The following NIPBL variants were observed in gnomAD, a reference collection of about 807,000 sequenced individuals.
NIPBL encodes NIPBL cohesin loading factor.
In NIPBL, 19 loss-of-function variants were observed where a neutral mutation model predicts 321.8. The observed-to-expected ratio is 0.06, with a 90% CI of 0.04 to 0.09. The LOEUF (loss-of-function observed/expected upper bound fraction) is 0.09, where lower values mean the gene tolerates loss of function less well. Ranked by LOEUF, NIPBL falls within the 10% of genes least tolerant of loss-of-function variation. The probability of loss-of-function intolerance (pLI) is 1.00; values close to 1 mark genes in which losing one functional copy is unlikely to be tolerated. For missense variants in NIPBL, 2,210 were observed against 3,327.0 expected, an observed-to-expected ratio of 0.66 and a Z score of 8.26; for synonymous variants, 1,106 against 1,114.1, an observed-to-expected ratio of 0.99 and a Z score of 0.14.
rs183134386 is a variant in NIPBL at position 37,016,832 on chromosome 5, A to G, written c.4777-187A>G. On this transcript the variant is annotated intron_variant, in intron 23 of 46. Transcript: ENST00000282516. Reference sequence around the variant, plus strand: ...AGGAAGTTTAATCTGTAATTTTTTTAGTCACATGAAAATGTTCAGATTCCA... The same window carrying G: ...AGGAAGTTTAATCTGTAATTTTTTTGGTCACATGAAAATGTTCAGATTCCA... Among the ~76,000 whole-genome samples, 272 of 152,204 alleles carry G rather than the reference A, an allele frequency of 1.8e-3. 1 individual carries two copies. The highest frequency in any genetic ancestry group is 3.7e-3 in the Admixed American group (56 of 15,290).
intron 21 of NIPBL, among the ~76,000 whole-genome samples, chr5:37,012,685 C>T (rs1485900924): frequency 1.3e-5 from 2 of 152,030 alleles, no homozygotes; most frequent in Admixed American, 1.3e-4. Flanking sequence ...GAGCATGCTG[C>T]CTTCAAGCAT....
intron 1 of NIPBL, among the ~76,000 whole-genome samples, chr5:36,943,283 T>C (rs928600618): frequency 6.6e-6 from 1 of 152,124 alleles, no homozygotes; most frequent in Non-Finnish European, 1.5e-5. Context: ...AATTTGTCAA[T>C]TATAATAACA....
At chr5:36,927,445 C>T (rs1294737756) in intron 1 of NIPBL, among the ~76,000 whole-genome samples, 2 of 152,020 alleles carry the variant, frequency 1.3e-5, no homozygotes, top group African/African-American at 2.4e-5. Flanking sequence ...TCTCTGATTG[C>T]TATGTTTAAC....
chr5:36,984,225 G>T (rs1009165481), intron 9 of NIPBL, among the ~76,000 whole-genome samples: 12 of 151,332 alleles, frequency 7.9e-5, no homozygotes, highest in African/African-American at 2.7e-4. Flanking sequence ...TTTCCTGTTT[G>T]GTATATTGGC....
intron 15 of NIPBL, 32 bp from the exon 16 acceptor site, chr5:37,003,229 C>A: frequency 2.4e-6 from 3 of 1,226,614 alleles, no homozygotes; most frequent in Non-Finnish European, 3.6e-6. Context: ...CTTTTACCAA[C>A]GATTGATAAA....
chr5:37,061,348 A>T (rs923590015), intron 45 of NIPBL, among the ~76,000 whole-genome samples: 2 of 152,086 alleles, frequency 1.3e-5, no homozygotes, highest in African/African-American at 4.8e-5. Context: ...CCCCATGGAT[A>T]CCCAAATCCT....
chr5:36,909,782 AAAAG>A (rs1747908004), intron 1 of NIPBL, among the ~76,000 whole-genome samples: 1 of 152,178 alleles, frequency 6.6e-6, no homozygotes, highest in African/African-American at 2.4e-5. Context: ...TTAAAGGAAA[AAAAG>A]AACAGTATGG....
chr5:36,988,713 G>T (rs946225963), intron 10 of NIPBL, among the ~76,000 whole-genome samples: 4 of 152,036 alleles, frequency 2.6e-5, no homozygotes, highest in African/African-American at 9.7e-5. Context: ...CTGAGTAAAG[G>T]AGTTAGTCTG....
At position 37,048,578 on chromosome 5, in the gene NIPBL, TAAG is replaced by T; in HGVS notation, c.6669_6671del (p.Lys2223del). The stretch of plus-strand genomic sequence containing the variant: ...ATCTATATAATAATATTTTATCTGA[TAAG>T]AACTCCTCAGTCAATTTAAAAATAC... On this transcript the variant is annotated inframe_deletion, in exon 39 of 47. Coordinates refer to ENST00000282516, the MANE Select transcript of NIPBL (RefSeq NM_133433.4). 6.3e-7 allele frequency: 1 copy of T among 1,595,334 alleles called. No homozygotes were observed.
chr5:36,953,006 AT>A (rs773123988), intron 1 of NIPBL, among the ~76,000 whole-genome samples: 3 of 152,172 alleles, frequency 2.0e-5, no homozygotes, highest in Non-Finnish European at 4.4e-5. Flanking sequence ...ATCTTGAAGA[AT>A]TATAGGATTT....
chr5:36,921,660 A>T (rs1001520652), intron 1 of NIPBL, among the ~76,000 whole-genome samples: 6 of 152,188 alleles, frequency 3.9e-5, no homozygotes, highest in African/African-American at 1.4e-4. Context: ...AGGAGAATTC[A>T]TTTGCCACAG....
chr5:36,996,276 C>G lies in NIPBL; in HGVS notation c.3304+472C>G, dbSNP rs1746137583. On this transcript the variant is annotated intron_variant, in intron 11 of 46. Coordinates refer to ENST00000282516, the MANE Select transcript of NIPBL (RefSeq NM_133433.4). This position sits in a 1 kb window ranked among gnomAD's most constrained non-coding sequence, Gnocchi z 5.0. ...AGAGTGGGGGCTCAGGGAATGCTTA[C>G]TGGAAGAGGTGACACTTGAGTTGAG... 6.6e-6 allele frequency among the ~76,000 whole-genome samples: 1 copy of G among 152,180 alleles called. No homozygotes were observed. The highest frequency in any genetic ancestry group is 6.5e-5 in the Admixed American group (1 of 15,272).
intron 8 of NIPBL, 28 bp from the exon 9 acceptor site, chr5:36,975,748 T>C (rs575659897): frequency 1.2e-6 from 2 of 1,610,458 alleles, no homozygotes; most frequent in South Asian, 1.1e-5. Context: ...CCACCACAAC[T>C]GTTACTTCTA....
In NIPBL at chr5:36,939,200, G is replaced by A. The variant is rs537687558; in HGVS notation, c.-79-14418G>A. Reference sequence around the variant, plus strand: ...GTATTTTTTGTAGAGATGGGCTTTTGCCATATTGCCCAGACTATTCTTGAA... The same window carrying A: ...GTATTTTTTGTAGAGATGGGCTTTTACCATATTGCCCAGACTATTCTTGAA... On this transcript the variant is annotated intron_variant, in intron 1 of 46. Transcript: ENST00000282516. Among the ~76,000 whole-genome samples, 215 of 152,110 alleles carry A rather than the reference G, an allele frequency of 1.4e-3. 1 individual carries two copies. The highest frequency in any genetic ancestry group is 5.1e-3 in the African/African-American group (211 of 41,496).
chr5:36,960,046 A>C (rs1274047446), intron 4 of NIPBL, among the ~76,000 whole-genome samples: 3 of 152,190 alleles, frequency 2.0e-5, no homozygotes, highest in African/African-American at 7.2e-5. Flanking sequence ...AGCCTGGGCA[A>C]TGCAGAGAGA....
intron 4 of NIPBL, among the ~76,000 whole-genome samples, chr5:36,959,037 C>T (rs1420780955): frequency 1.3e-5 from 2 of 151,960 alleles, no homozygotes; most frequent in Non-Finnish European, 2.9e-5. Flanking sequence ...GAAAACCTGT[C>T]TCTACAAAAA....
chr5:36,931,897 A>G (rs1749808283), intron 1 of NIPBL, among the ~76,000 whole-genome samples: 1 of 151,214 alleles, frequency 6.6e-6, no homozygotes, highest in South Asian at 2.1e-4. Context: ...ATAAATACTG[A>G]TTCGAGGCTG....
intron 1 of NIPBL, among the ~76,000 whole-genome samples, chr5:36,947,040 A>C (rs999893216): frequency 6.6e-6 from 1 of 152,116 alleles, no homozygotes; most frequent in Admixed American, 6.5e-5. Context: ...TAATTTTTGC[A>C]TCTGTGAAAT....
chr5:37,021,640 C>T (rs773295783), intron 27 of NIPBL, among the ~76,000 whole-genome samples: 6 of 152,268 alleles, frequency 3.9e-5, no homozygotes, highest in Non-Finnish European at 7.4e-5. Flanking sequence ...GAGATTGCGC[C>T]ACTGCACTCC....
Sources: gnomAD v4.1 joint callset for allele counts (sites outside exome capture counted in the v4.1 genomes callset) on GRCh38, gnomAD v4.1.1 for gene constraint, Gnocchi (gnomAD v3.1) non-coding constraint, MANE v1.5 for transcripts, NCBI Gene and HGNC (gene_info 2026-07-23, HGNC 2026-07-21) for gene names.